GPC5: variants seen among roughly 807,000 people sequenced by gnomAD.
GPC5 encodes the protein glypican-5.
GPC5 carries 47 observed loss-of-function variants against 53.9 expected under a neutral mutation model. The ratio of observed to expected loss-of-function variants is 0.87; its 90% confidence interval spans 0.69 to 1.11. The LOEUF is 1.11. GPC5 is among the 50% of genes most tolerant of loss of function. The pLI, the probability that GPC5 is intolerant of heterozygous loss-of-function variation, is 0.00. For synonymous variants in GPC5, 286 were observed against 263.3 expected (o/e 1.09, Z -0.84); for missense variants, 748 against 713.1 (o/e 1.05, Z -0.56).
At chr13:92,582,978 A>C (rs79411019) in intron 7 of GPC5, among the ~76,000 whole-genome samples, 3,704 of 152,032 alleles carry the variant, frequency 0.024, 157 homozygotes, top group African/African-American at 0.084. Context: ...GACACCTTTT[A>C]TTTCTTTCTC....
chr13:92,838,469 T>A (rs1431181421), intron 7 of GPC5, among the ~76,000 whole-genome samples: 1 of 145,224 alleles, frequency 6.9e-6, no homozygotes, highest in Admixed American at 7.1e-5. Flanking sequence ...GGCTACAGAG[T>A]GAGACTCCGC....
chr13:92,381,823 AATC>A (rs1238814030), intron 7 of GPC5, among the ~76,000 whole-genome samples: 3 of 114,290 alleles, frequency 2.6e-5, no homozygotes, highest in Non-Finnish European at 3.6e-5. Flanking sequence ...TTTCATATAT[AATC>A]ATATATATTA....
intron 7 of GPC5, among the ~76,000 whole-genome samples, chr13:92,191,825 G>A (rs913032284): frequency 1.3e-5 from 2 of 152,142 alleles, no homozygotes; most frequent in Admixed American, 6.5e-5. Context: ...GGGATTGCAC[G>A]CTCATTGTAA....
At chr13:91,418,577 A>G (rs1377707412) in intron 1 of GPC5, among the ~76,000 whole-genome samples, 1 of 152,172 alleles carries the variant, frequency 6.6e-6, no homozygotes, top group East Asian at 1.9e-4. Context: ...ATATGTAGGT[A>G]ACAAAGTGAT....
chr13:91,871,261 A>C (rs2039140836), intron 5 of GPC5, among the ~76,000 whole-genome samples: 1 of 152,216 alleles, frequency 6.6e-6, no homozygotes, highest in Non-Finnish European at 1.5e-5. Flanking sequence ...AAGAACAGAA[A>C]ACCAAATACC....
intron 7 of GPC5, among the ~76,000 whole-genome samples, chr13:92,609,719 C>A (rs1214634416): frequency 1.3e-5 from 2 of 152,068 alleles, no homozygotes; most frequent in Admixed American, 1.3e-4. Context: ...TAATATATAT[C>A]AAGACCCAAG....
At chr13:92,790,516 A>C (rs2138773855) in intron 7 of GPC5, among the ~76,000 whole-genome samples, 1 of 152,306 alleles carries the variant, frequency 6.6e-6, no homozygotes, top group Non-Finnish European at 1.5e-5. Context: ...TGTTTTTGTT[A>C]GCATAAAAAG....
intron 2 of GPC5, among the ~76,000 whole-genome samples, chr13:91,495,281 C>T (rs1298635345): frequency 6.6e-6 from 1 of 152,182 alleles, no homozygotes; most frequent in Non-Finnish European, 1.5e-5. Flanking sequence ...TCTTTTTAAT[C>T]TAATTAGACA....
chr13:91,680,446 C>G (rs1166367520), intron 2 of GPC5, among the ~76,000 whole-genome samples: 1 of 152,154 alleles, frequency 6.6e-6, no homozygotes, highest in Non-Finnish European at 1.5e-5. Context: ...AAGACTCCAT[C>G]TCAAAACAAA....
At chr13:92,698,453 G>A (rs1416901275) in intron 7 of GPC5, among the ~76,000 whole-genome samples, 1 of 152,078 alleles carries the variant, frequency 6.6e-6, no homozygotes, top group Non-Finnish European at 1.5e-5. Flanking sequence ...TGCTGAGAAT[G>A]ATGGTTTCCA....
At chr13:91,523,241 G>A (rs1476773436) in intron 2 of GPC5, among the ~76,000 whole-genome samples, 4 of 152,108 alleles carry the variant, frequency 2.6e-5, no homozygotes, top group Non-Finnish European at 1.5e-5. Context: ...CAGCTGCTGG[G>A]CATATATCCA....
intron 7 of GPC5, among the ~76,000 whole-genome samples, chr13:92,467,369 A>G (rs1878738217): frequency 6.6e-6 from 1 of 152,146 alleles, no homozygotes; most frequent in African/African-American, 2.4e-5. Flanking sequence ...GTGCATTGGT[A>G]TACATTAATA....
At chr13:92,164,198 C>T (rs765569370) in intron 7 of GPC5, among the ~76,000 whole-genome samples, 23 of 152,166 alleles carry the variant, frequency 1.5e-4, no homozygotes, top group Admixed American at 2.6e-4. Flanking sequence ...CATTTCAAAA[C>T]ACAAGCATGC....
chr13:92,320,327 A>G (rs1015247431), intron 7 of GPC5, among the ~76,000 whole-genome samples: 4 of 152,158 alleles, frequency 2.6e-5, no homozygotes, highest in African/African-American at 7.2e-5. Context: ...AGTATCAGCC[A>G]TTGTGTTGAC....
intron 7 of GPC5, among the ~76,000 whole-genome samples, chr13:92,455,034 T>C (rs749354003): frequency 1.1e-4 from 16 of 152,128 alleles, no homozygotes; most frequent in Non-Finnish European, 1.6e-4. Flanking sequence ...ACACATGCTA[T>C]ATGTTAAATA....
At chr13:92,613,511 A>T (rs1305801033) in intron 7 of GPC5, among the ~76,000 whole-genome samples, 3 of 71,534 alleles carry the variant, frequency 4.2e-5, no homozygotes, top group African/African-American at 1.2e-4. Context: ...TTTATATATA[A>T]AATATAATAT....
intron 7 of GPC5, among the ~76,000 whole-genome samples, chr13:92,759,634 A>C (rs1302286184): frequency 6.6e-6 from 1 of 152,068 alleles, no homozygotes; most frequent in Non-Finnish European, 1.5e-5. Context: ...AGGGCTCTCT[A>C]TACATAGGTT....
chr13:91,510,526 A>G (rs1255239443), intron 2 of GPC5, among the ~76,000 whole-genome samples: 1 of 152,082 alleles, frequency 6.6e-6, no homozygotes, highest in Non-Finnish European at 1.5e-5. Flanking sequence ...TTCTGTCCAT[A>G]TTTTCATTTT....
intron 2 of GPC5, among the ~76,000 whole-genome samples, chr13:91,474,667 A>G (rs1332086034): frequency 2.0e-5 from 3 of 152,152 alleles, no homozygotes; most frequent in Non-Finnish European, 4.4e-5. Context: ...TGTAAGTGCT[A>G]CAAAAAAAAC....
Sources: allele counts gnomAD v4.1 joint callset (sites outside exome capture counted in the v4.1 genomes callset), GRCh38; gene constraint gnomAD v4.1.1; transcripts MANE v1.5; gene names NCBI Gene and HGNC (gene_info 2026-07-23, HGNC 2026-07-21).